Variants in BMPER observed in about 807,000 individuals in gnomAD.
BMPER encodes the protein BMP binding endothelial regulator.
In BMPER, 45 loss-of-function variants were observed where a neutral mutation model predicts 87.3. That is an observed-to-expected ratio of 0.52 (90% confidence interval 0.41 to 0.66). BMPER has a LOEUF of 0.66. Ranked by LOEUF, BMPER falls within the 30% of genes least tolerant of loss-of-function variation. The probability of loss-of-function intolerance (pLI) is 0.00; values close to 1 mark genes in which losing one functional copy is unlikely to be tolerated. For missense variants in BMPER, 784 were observed against 867.5 expected, an observed-to-expected ratio of 0.90 and a Z score of 1.21; for synonymous variants, 326 against 316.2, an observed-to-expected ratio of 1.03 and a Z score of -0.33.
intron 2 of BMPER, among the ~76,000 whole-genome samples, chr7:33,920,380 G>T (rs937899704): frequency 1.3e-5 from 2 of 149,092 alleles, no homozygotes; most frequent in Non-Finnish European, 3.0e-5. Flanking sequence ...GATGGAGTAG[G>T]TCTGGCTGGC....
At chr7:33,958,554 A>G (rs1785199953) in intron 3 of BMPER, among the ~76,000 whole-genome samples, 1 of 152,126 alleles carries the variant, frequency 6.6e-6, no homozygotes, top group Non-Finnish European at 1.5e-5. Context: ...ATTGAAAGGC[A>G]GCATGCCATC....
At chr7:34,085,726 T>A in intron 12 of BMPER, 30 bp from the exon 13 acceptor site, 2 of 1,573,618 alleles carry the variant, frequency 1.3e-6, no homozygotes, top group Non-Finnish European at 1.7e-6. Flanking sequence ...AATGAGTGAT[T>A]GATTTCCTTT....
At chr7:34,100,856 G>C (rs1276578322) in intron 13 of BMPER, among the ~76,000 whole-genome samples, 1 of 152,138 alleles carries the variant, frequency 6.6e-6, no homozygotes, top group African/African-American at 2.4e-5. Context: ...TATACACACA[G>C]AGACACACAT....
intron 13 of BMPER, among the ~76,000 whole-genome samples, chr7:34,100,431 G>T (rs2127982496): frequency 6.6e-6 from 1 of 152,262 alleles, no homozygotes. Context: ...GAGGCAGGAG[G>T]AATGGGTCTG....
chr7:33,920,485 G>C (rs1180695339), intron 2 of BMPER, among the ~76,000 whole-genome samples: 1 of 145,230 alleles, frequency 6.9e-6, no homozygotes, highest in Non-Finnish European at 1.5e-5. Context: ...GAGTACAGTG[G>C]TGCGATCTCG....
chr7:34,129,033 T>C (rs62451679), intron 13 of BMPER, among the ~76,000 whole-genome samples: 2 of 152,186 alleles, frequency 1.3e-5, no homozygotes, highest in Non-Finnish European at 2.9e-5. Flanking sequence ...GTTGCCATGA[T>C]TGTTGCTATT....
chr7:34,078,910 C>T lies in BMPER; in HGVS notation c.1132C>T (p.Arg378Trp), dbSNP rs1788936295. The change falls in exon 12 of 15, where the codon CGG becomes TGG. Residue 378 changes from arginine to tryptophan, a missense_variant. By Grantham distance (101) the Arg-to-Trp change is moderately radical. Transcript: ENST00000649409. ...GDPHYNTFDG[R>W]TFNFQGTCQY... ...TCCCCACTACAACACTTTTGACGGT[C>T]GGACATTTAACTTTCAGGGGACGTG... 1.9e-6 allele frequency: 3 copies of T among 1,614,188 alleles called. No individual in the cohort carries two copies. Among genetic ancestry groups the T allele is most frequent in the East Asian group, 4.5e-5 (2 of 44,878 alleles).
intron 6 of BMPER, among the ~76,000 whole-genome samples, 169 bp downstream of exon 6, chr7:33,974,953 T>C (rs1785647894): frequency 6.6e-6 from 1 of 152,178 alleles, no homozygotes; most frequent in Admixed American, 6.5e-5. Context: ...GGCTCAGCAC[T>C]ACTGACATTC....
intron 12 of BMPER, among the ~76,000 whole-genome samples, chr7:34,084,654 T>C (rs1789150392): frequency 6.6e-6 from 1 of 152,244 alleles, no homozygotes; most frequent in African/African-American, 2.4e-5. Flanking sequence ...TGAAAGCCTC[T>C]CCTTTCTTTT....
intron 5 of BMPER, among the ~76,000 whole-genome samples, chr7:33,973,695 C>T (rs1785606890): frequency 6.6e-6 from 1 of 152,216 alleles, no homozygotes; most frequent in African/African-American, 2.4e-5. Flanking sequence ...TTTCACAAGA[C>T]CCTGCTTTGG....
chr7:34,071,063 C>G (rs754309414), intron 11 of BMPER, among the ~76,000 whole-genome samples: 1 of 152,116 alleles, frequency 6.6e-6, no homozygotes, highest in Non-Finnish European at 1.5e-5. Context: ...TATCTATGTC[C>G]ATGACTTTAT....
At chr7:34,070,098 G>A (rs1788698056) in intron 11 of BMPER, among the ~76,000 whole-genome samples, 2 of 152,154 alleles carry the variant, frequency 1.3e-5, no homozygotes, top group East Asian at 3.9e-4. Context: ...TCTGGTTTCA[G>A]ATTTGTTTAA....
chr7:33,950,271 G>A (rs112794071), intron 3 of BMPER, among the ~76,000 whole-genome samples: 1 of 152,188 alleles, frequency 6.6e-6, no homozygotes, highest in Non-Finnish European at 1.5e-5. Flanking sequence ...TATGCAAAGT[G>A]CCTGACAGCC....
chr7:34,056,908 G>A (rs1197946412), intron 9 of BMPER, among the ~76,000 whole-genome samples: 4 of 152,146 alleles, frequency 2.6e-5, no homozygotes, highest in East Asian at 1.9e-4. Context: ...GAGCCACCGC[G>A]CCCGGCTGCA....
At chr7:34,128,378 CTATTT>C (rs1790456362) in intron 13 of BMPER, among the ~76,000 whole-genome samples, 1 of 152,118 alleles carries the variant, frequency 6.6e-6, no homozygotes, top group Non-Finnish European at 1.5e-5. Context: ...TTATTACAAC[CTATTT>C]TGGCACATTG....
intron 6 of BMPER, among the ~76,000 whole-genome samples, chr7:34,018,040 GT>G (rs1345605231): frequency 6.6e-6 from 1 of 151,124 alleles, no homozygotes; most frequent in Non-Finnish European, 1.5e-5. Flanking sequence ...TTACTTCAAT[GT>G]GGCCTAAAAA....
intron 3 of BMPER, among the ~76,000 whole-genome samples, chr7:33,950,940 G>C (rs62449716): frequency 4.3e-4 from 65 of 152,026 alleles, no homozygotes; most frequent in Non-Finnish European, 7.8e-4. Flanking sequence ...ACGCTTGCTT[G>C]CTTTTGGCCA....
At chr7:33,920,334 A>G (rs1784190278) in intron 2 of BMPER, among the ~76,000 whole-genome samples, 1 of 151,882 alleles carries the variant, frequency 6.6e-6, no homozygotes, top group African/African-American at 2.4e-5. Context: ...GAAGGCTAAA[A>G]AATGCAGATT....
intron 14 of BMPER, among the ~76,000 whole-genome samples, chr7:34,145,053 C>T (rs1431145263): frequency 1.3e-5 from 2 of 152,186 alleles, no homozygotes; most frequent in Non-Finnish European, 2.9e-5. Context: ...ACCCTGGGAG[C>T]TTAAAAAATA....
Sources: gnomAD v4.1 joint callset for allele counts (sites outside exome capture counted in the v4.1 genomes callset) on GRCh38, gnomAD v4.1.1 for gene constraint, MANE v1.5 for transcripts, NCBI Gene and HGNC (gene_info 2026-07-23, HGNC 2026-07-21) for gene names.